Variants in ZMYM2 observed in about 807,000 individuals in gnomAD.
The protein encoded by ZMYM2 is zinc finger MYM-type containing 2, also known as zinc finger MYM-type protein 2.
A neutral mutation model predicts 162.8 loss-of-function variants in ZMYM2; 56 were observed. The ratio of observed to expected loss-of-function variants is 0.34; its 90% CI spans 0.28 to 0.43. ZMYM2 has a LOEUF of 0.43. ZMYM2 is among the 20% of genes least tolerant of loss of function. ZMYM2 has a pLI of 1.00. For missense variants in ZMYM2, 1,275 were observed against 1,621.8 expected, an observed-to-expected ratio of 0.79 and a Z score of 3.67; for synonymous variants, 510 against 541.6, an observed-to-expected ratio of 0.94 and a Z score of 0.81.
intron 3 of ZMYM2, among the ~76,000 whole-genome samples, chr13:19,999,386 A>G (rs1455948023): frequency 1.3e-5 from 2 of 152,028 alleles, no homozygotes; most frequent in Non-Finnish European, 2.9e-5. Flanking sequence ...TTTCATTGTT[A>G]TTATATCTGT....
chr13:20,056,993 C>G (rs1035503783), intron 14 of ZMYM2, among the ~76,000 whole-genome samples: 3 of 152,214 alleles, frequency 2.0e-5, no homozygotes, highest in Admixed American at 2.0e-4. Flanking sequence ...GTTCTACAAC[C>G]TCGGTTTTCA....
the ZMYM2 span, among the ~76,000 whole-genome samples, chr13:19,939,155 C>G: frequency 2.0e-5 from 3 of 151,168 alleles, no homozygotes; most frequent in Non-Finnish European, 4.4e-5. Context: ...TCCCGAGTAA[C>G]TGGGATTACA....
chr13:19,891,293 A>G, the ZMYM2 span, among the ~76,000 whole-genome samples: 1 of 151,862 alleles, frequency 6.6e-6, no homozygotes, highest in East Asian at 1.9e-4. Flanking sequence ...GAGTGTGACC[A>G]TCTGTAAACC....
At chr13:20,079,316 C>CAAAAAAAAAAAAAAAAAAAAAAAAA (rs1158594782) in intron 21 of ZMYM2, among the ~76,000 whole-genome samples, 2 of 23,150 alleles carry the variant, frequency 8.6e-5, no homozygotes, top group African/African-American at 2.2e-4. Context: ...GACTCTGTCT[C>CAAAAAAAAAAAAAAAAAAAAAAAAA]AAAAAAAAAA....
chr13:19,915,546 G>A, the ZMYM2 span, among the ~76,000 whole-genome samples: 9 of 150,166 alleles, frequency 6.0e-5, no homozygotes, highest in African/African-American at 1.5e-4. Context: ...TTCTTTCTCC[G>A]AGGCTGGAGT....
chr13:19,996,438 T>G (rs1235008880), intron 3 of ZMYM2, among the ~76,000 whole-genome samples: 3 of 151,568 alleles, frequency 2.0e-5, no homozygotes, highest in Non-Finnish European at 4.4e-5. Flanking sequence ...AAAAAAAAAC[T>G]AGCCAGGGCT....
chr13:20,044,036 C>T (rs1325734620), intron 12 of ZMYM2, among the ~76,000 whole-genome samples: 1 of 152,098 alleles, frequency 6.6e-6, no homozygotes, highest in Non-Finnish European at 1.5e-5. Flanking sequence ...TTAAGGGATG[C>T]TCAGGTCAGA....
intron 12 of ZMYM2, among the ~76,000 whole-genome samples, chr13:20,041,212 C>A (rs1954217930): frequency 6.6e-6 from 1 of 152,190 alleles, no homozygotes; most frequent in Non-Finnish European, 1.5e-5. Context: ...TTGTACATCT[C>A]TAAGAACTTC....
intron 12 of ZMYM2, among the ~76,000 whole-genome samples, chr13:20,042,900 T>A (rs775051736): frequency 1.3e-5 from 2 of 152,066 alleles, no homozygotes; most frequent in Non-Finnish European, 2.9e-5. Context: ...ATTTTTGTAT[T>A]TCTAGTAGAG....
the ZMYM2 span, among the ~76,000 whole-genome samples, chr13:19,928,244 G>A: frequency 5.3e-5 from 8 of 152,260 alleles, no homozygotes; most frequent in Non-Finnish European, 1.0e-4. Context: ...TGGCTCAAGC[G>A]AGCCTCCCTC....
intron 19 of ZMYM2, 65 bp downstream of exon 19, chr13:20,064,610 TTTAG>T: frequency 7.9e-7 from 1 of 1,261,808 alleles, no homozygotes; most frequent in Non-Finnish European, 1.0e-6. Context: ...ACAGTGTTCT[TTTAG>T]TGTGCCTGAG....
chr13:20,018,362 C>A (rs1238788184), intron 6 of ZMYM2, among the ~76,000 whole-genome samples: 1 of 152,164 alleles, frequency 6.6e-6, no homozygotes, highest in East Asian at 1.9e-4. Context: ...CCATGCCTTA[C>A]TATTTTACTG....
At chr13:19,893,657 T>A in the ZMYM2 span, among the ~76,000 whole-genome samples, 2 of 151,640 alleles carry the variant, frequency 1.3e-5, no homozygotes, top group Non-Finnish European at 2.9e-5. Context: ...GGAGAATTGC[T>A]TGAACCTGGG....
intron 12 of ZMYM2, among the ~76,000 whole-genome samples, chr13:20,042,056 A>G (rs1289508568): frequency 6.6e-6 from 1 of 152,112 alleles, no homozygotes; most frequent in African/African-American, 2.4e-5. Flanking sequence ...CTTTTTATGA[A>G]GTATCATACT....
chr13:20,059,707 T>C (rs2140750181), intron 16 of ZMYM2, 145 bp downstream of exon 16: 2 of 645,146 alleles, frequency 3.1e-6, no homozygotes, highest in Non-Finnish European at 5.5e-6. Flanking sequence ...CCAATAAATA[T>C]GGGCGGCCCT....
the ZMYM2 span, among the ~76,000 whole-genome samples, chr13:19,902,293 A>G: frequency 6.6e-6 from 1 of 152,192 alleles, no homozygotes; most frequent in Non-Finnish European, 1.5e-5. Flanking sequence ...CGTTTTTTGA[A>G]ATGAAAACAT....
intron 14 of ZMYM2, among the ~76,000 whole-genome samples, chr13:20,054,160 A>G (rs1448538742): frequency 2.6e-5 from 4 of 152,224 alleles, no homozygotes; most frequent in Non-Finnish European, 5.9e-5. Flanking sequence ...TTCTCCACCC[A>G]TAAACTTCAA....
intron 6 of ZMYM2, among the ~76,000 whole-genome samples, chr13:20,014,779 T>C (rs1230383473): frequency 2.0e-5 from 3 of 149,718 alleles, no homozygotes; most frequent in African/African-American, 7.4e-5. Flanking sequence ...TTTTTTTTTT[T>C]TTTGGGGACA....
chr13:20,069,775 C>CT (rs1268717975), intron 21 of ZMYM2, among the ~76,000 whole-genome samples: 1 of 150,174 alleles, frequency 6.7e-6, no homozygotes, highest in Admixed American at 6.6e-5. Context: ...TCAGAGTTTT[C>CT]TTTTTTTAAC....
Sources: gnomAD v4.1 joint callset for allele counts (sites outside exome capture counted in the v4.1 genomes callset) on GRCh38, gnomAD v4.1.1 for gene constraint, MANE v1.5 for transcripts, NCBI Gene and HGNC (gene_info 2026-07-23, HGNC 2026-07-21) for gene names.